Variants in GALNT1 observed in about 807,000 individuals in gnomAD.
GALNT1 encodes the protein GalNAc transferase 1.
In GALNT1, 17 loss-of-function variants were observed where a neutral mutation model predicts 65.7. That is an observed-to-expected ratio of 0.26 (90% CI 0.18 to 0.39). The LOEUF (loss-of-function observed/expected upper bound fraction) is 0.39, where lower values mean the gene tolerates loss of function less well. Ranked by LOEUF, GALNT1 falls within the 10% of genes least tolerant of loss-of-function variation. The probability of loss-of-function intolerance (pLI) is 1.00; values close to 1 mark genes in which losing one functional copy is unlikely to be tolerated. For missense variants in GALNT1, 460 were observed against 672.8 expected (o/e 0.68, Z 3.50); for synonymous variants, 210 against 219.7 (o/e 0.96, Z 0.39).
intron 1 of GALNT1, among the ~76,000 whole-genome samples, chr18:35,625,388 A>C (rs975870277): frequency 6.6e-6 from 1 of 152,198 alleles, no homozygotes; most frequent in Non-Finnish European, 1.5e-5. Flanking sequence ...TGACCCTGAG[A>C]GCCAAGAGAA....
intron 9 of GALNT1, among the ~76,000 whole-genome samples, chr18:35,693,162 G>A (rs2047996307): frequency 6.6e-6 from 1 of 152,112 alleles, no homozygotes; most frequent in Admixed American, 6.5e-5. Context: ...GAGTACGGAA[G>A]TTGAAAGAGT....
At chr18:35,585,614 A>G (rs2046370294) in intron 1 of GALNT1, among the ~76,000 whole-genome samples, 1 of 152,174 alleles carries the variant, frequency 6.6e-6, no homozygotes, top group Admixed American at 6.5e-5. Context: ...GTTTTTTTGT[A>G]GCCACACCTA....
intron 1 of GALNT1, among the ~76,000 whole-genome samples, chr18:35,612,915 G>A (rs1264132244): frequency 6.6e-6 from 1 of 151,112 alleles, no homozygotes; most frequent in East Asian, 1.9e-4. Flanking sequence ...CACACCAGGA[G>A]AGGAGGAAAG....
chr18:35,616,871 C>T (rs2046790058), intron 1 of GALNT1, among the ~76,000 whole-genome samples: 1 of 152,122 alleles, frequency 6.6e-6, no homozygotes, highest in Non-Finnish European at 1.5e-5. Flanking sequence ...TCTTCAGCTT[C>T]CTCAGCTGAA....
intron 1 of GALNT1, among the ~76,000 whole-genome samples, chr18:35,625,241 G>A (rs1444155724): frequency 6.6e-6 from 1 of 152,148 alleles, no homozygotes; most frequent in African/African-American, 2.4e-5. Context: ...GCACACGGTG[G>A]GTGAAGCTGT....
intron 1 of GALNT1, among the ~76,000 whole-genome samples, chr18:35,621,569 A>C (rs903678675): frequency 5.3e-5 from 8 of 152,038 alleles, no homozygotes; most frequent in African/African-American, 1.9e-4. Flanking sequence ...ATGTATCTGA[A>C]TATTTCTTCC....
At chr18:35,638,376 G>T (rs1289656189) in intron 1 of GALNT1, among the ~76,000 whole-genome samples, 2 of 152,102 alleles carry the variant, frequency 1.3e-5, no homozygotes, top group Non-Finnish European at 2.9e-5. Context: ...AGCTGGTGCT[G>T]CAGGCATTTA....
At chr18:35,636,788 T>G (rs908707050) in intron 1 of GALNT1, among the ~76,000 whole-genome samples, 34 of 145,706 alleles carry the variant, frequency 2.3e-4, no homozygotes, top group South Asian at 6.5e-4. Flanking sequence ...ACTTTGTTTT[T>G]TTTTTTTTTT....
At position 35,708,040 on chromosome 18, in the gene GALNT1, T is replaced by C. The variant is rs139793638; in HGVS notation, c.1534-1584T>C. 1.3e-3 allele frequency among the ~76,000 whole-genome samples: 205 copies of C among 152,350 alleles called. 1 individual carries two copies. Among genetic ancestry groups the C allele is most frequent in the Non-Finnish European group, 2.4e-3 (160 of 68,028 alleles). On this transcript the variant is annotated intron_variant, in intron 11 of 11. Coordinates refer to ENST00000269195, the MANE Select transcript of GALNT1 (RefSeq NM_020474.4). ...ATTTACTCTGGGATAGGCAGCACTT[T>C]ATGTACATTATCTCAGTGTTTCCTC...
At chr18:35,601,924 A>G (rs1310415117) in intron 1 of GALNT1, among the ~76,000 whole-genome samples, 1 of 152,228 alleles carries the variant, frequency 6.6e-6, no homozygotes, top group African/African-American at 2.4e-5. Context: ...TTGCAATTAC[A>G]GTATTGAGTA....
In GALNT1 at chr18:35,621,467, TA is replaced by T. The variant is rs1416052047; in HGVS notation, c.-103-33092del. Among the ~76,000 whole-genome samples the T allele has an allele frequency of 2.0e-5, 3 of 149,580 alleles. No homozygotes were observed. The South Asian group carries it at 6.3e-4, about 32-fold the overall frequency. The stretch of plus-strand genomic sequence containing the variant: ...TTGGCCTCCTACAATGCTAGGATTA[TA>T]GACATGAATCACCGCAATTGGTCTG... On this transcript the variant is annotated intron_variant, in intron 1 of 11. Coordinates refer to ENST00000269195, the MANE Select transcript of GALNT1 (RefSeq NM_020474.4).
chr18:35,690,783 C>G (rs751236194), intron 7 of GALNT1, among the ~76,000 whole-genome samples: 1 of 152,160 alleles, frequency 6.6e-6, no homozygotes, highest in Non-Finnish European at 1.5e-5. Context: ...GATGTCAATA[C>G]TTTTTTAAAA....
intron 1 of GALNT1, among the ~76,000 whole-genome samples, chr18:35,601,782 A>G (rs1296706771): frequency 6.6e-6 from 1 of 152,206 alleles, no homozygotes; most frequent in Non-Finnish European, 1.5e-5. Context: ...TTACATGTTC[A>G]GTAAATGTGA....
chr18:35,602,278 G>C (rs896077400), intron 1 of GALNT1, among the ~76,000 whole-genome samples: 2 of 151,938 alleles, frequency 1.3e-5, no homozygotes, highest in Admixed American at 1.3e-4. Flanking sequence ...CTTTTTTCTT[G>C]CTGCTTTTAG....
chr18:35,698,152 G>A (rs1247473512), intron 9 of GALNT1, among the ~76,000 whole-genome samples: 2 of 152,162 alleles, frequency 1.3e-5, no homozygotes. Flanking sequence ...CTGCACATCT[G>A]ACGTGTCGGC....
At chr18:35,652,237 C>A (rs1013231846) in intron 1 of GALNT1, among the ~76,000 whole-genome samples, 22 of 152,094 alleles carry the variant, frequency 1.4e-4, no homozygotes, top group African/African-American at 5.3e-4. Flanking sequence ...AATAGAAACC[C>A]CAAATTACCA....
At chr18:35,676,400 C>T (rs891559541) in intron 3 of GALNT1, among the ~76,000 whole-genome samples, 1 of 152,144 alleles carries the variant, frequency 6.6e-6, no homozygotes, top group South Asian at 2.1e-4. Context: ...GATGGGGCCC[C>T]TACGATGACT....
chr18:35,637,938 A>C (rs976929323), intron 1 of GALNT1, among the ~76,000 whole-genome samples: 3 of 152,232 alleles, frequency 2.0e-5, no homozygotes, highest in African/African-American at 7.2e-5. Flanking sequence ...CTATACATGG[A>C]ACAACAAAGG....
rs765307784 is a variant in GALNT1 at position 35,683,573 on chromosome 18, C to G, written c.664C>G (p.Leu222Val). 1 of 1,613,616 alleles carries G rather than the reference C, an allele frequency of 6.2e-7. No homozygotes were observed. Among genetic ancestry groups the G allele is most frequent in the Non-Finnish European group, 8.5e-7 (1 of 1,179,682 alleles). The change falls in exon 5 of 12, where the codon CTC (leucine) becomes GTC (valine). Residue 222 changes from leucine to valine, a missense_variant. Leu to Val is a conservative substitution (Grantham distance 32). Transcript: ENST00000269195. Reference protein sequence around the residue: ...CECTVGWLEPLLARIKHDRRT... With the variant: ...CECTVGWLEPVLARIKHDRRT... Reference sequence around the variant, plus strand: ...GTGTACAGTGGGATGGCTGGAGCCTCTCTTGGCCAGGATCAAACATGACAG... The same window carrying G: ...GTGTACAGTGGGATGGCTGGAGCCTGTCTTGGCCAGGATCAAACATGACAG...
Sources: gnomAD v4.1 joint callset for allele counts (sites outside exome capture counted in the v4.1 genomes callset) on GRCh38, gnomAD v4.1.1 for gene constraint, MANE v1.5 for transcripts, NCBI Gene and HGNC (gene_info 2026-07-23, HGNC 2026-07-21) for gene names.